VPS53: variants seen among roughly 807,000 people sequenced by gnomAD.
The protein encoded by VPS53 is VPS53 subunit of GARP complex.
In VPS53, 70 loss-of-function variants were observed where a neutral mutation model predicts 107.0. The observed-to-expected ratio is 0.65, with a 90% CI of 0.54 to 0.80. VPS53 has a LOEUF of 0.80. VPS53 is among the 30% of genes least tolerant of loss of function. VPS53 has a pLI of 0.00. For synonymous variants in VPS53, 409 were observed against 393.3 expected, an observed-to-expected ratio of 1.04 and a Z score of -0.47; for missense variants, 917 against 1,049.4, an observed-to-expected ratio of 0.87 and a Z score of 1.74.
chr17:664,858 A>C (rs1457033314), intron 4 of VPS53, among the ~76,000 whole-genome samples: 1 of 152,130 alleles, frequency 6.6e-6, no homozygotes, highest in East Asian at 1.9e-4. Flanking sequence ...AGGGAGAGGG[A>C]GAACCAAGGA....
chr17:663,038 TCTGCAA>T (rs1971538512), intron 4 of VPS53, among the ~76,000 whole-genome samples: 11 of 151,572 alleles, frequency 7.3e-5, no homozygotes, highest in Admixed American at 6.6e-4. Flanking sequence ...AGACTCGGTC[TCTGCAA>T]AAAAAAAAGT....
At chr17:605,229 TAG>T (rs927803317) in intron 11 of VPS53, among the ~76,000 whole-genome samples, 1 of 152,124 alleles carries the variant, frequency 6.6e-6, no homozygotes, top group African/African-American at 2.4e-5. Context: ...GAAGATGGAT[TAG>T]AGAGGCGGCA....
chr17:712,353 G>T (rs1567758815), intron 1 of VPS53, among the ~76,000 whole-genome samples: 2 of 150,622 alleles, frequency 1.3e-5, no homozygotes, highest in African/African-American at 2.4e-5. Context: ...CTAAATTTTT[G>T]TATTTTTAGG....
chr17:525,849 T>C (rs1455689800), intron 19 of VPS53, among the ~76,000 whole-genome samples: 1 of 151,426 alleles, frequency 6.6e-6, no homozygotes, highest in Admixed American at 6.6e-5. Context: ...ATACAAAAAT[T>C]AGCCAGATAT....
chr17:668,665 T>A (rs1971805363), intron 4 of VPS53, among the ~76,000 whole-genome samples: 2 of 152,224 alleles, frequency 1.3e-5, no homozygotes. Flanking sequence ...GCAGGTCATG[T>A]CATGTTATGG....
chr17:587,887 T>A (rs920214819), intron 12 of VPS53, among the ~76,000 whole-genome samples: 1 of 152,186 alleles, frequency 6.6e-6, no homozygotes. Flanking sequence ...AAGCCCTACA[T>A]AATTAATGTA....
chr17:519,906 A>G lies in VPS53; in HGVS notation c.2248T>C (p.Leu750=). 1.3e-6 allele frequency: 2 copies of G among 1,551,638 alleles called. No homozygotes were observed. The highest frequency in any genetic ancestry group is 1.7e-6 in the Non-Finnish European group (2 of 1,146,974). The change falls in exon 21 of 22, where the codon TTG becomes CTG. Residue 750 remains leucine, a synonymous_variant. Transcript: ENST00000437048. This position sits in a 1 kb window ranked among gnomAD's most constrained non-coding sequence, Gnocchi z 5.0. ...LKVVMAPHEP[L]VVFVDNYIKL... ...ATGTAGTTGTCAACAAACACCACCA[A>G]CGGTTCATGAGGGGCCATCACTACC... is the stretch of plus-strand genomic sequence containing the variant.
At position 558,139 on chromosome 17, in the gene VPS53, C is replaced by T. The variant is rs543675635; in HGVS notation, c.1704+2287G>A. 5.3e-5 allele frequency among the ~76,000 whole-genome samples: 8 copies of T among 152,298 alleles called. No individual in the cohort carries two copies. In the South Asian group the frequency reaches 1.0e-3, roughly 20 times the overall value. On this transcript the variant is annotated intron_variant, in intron 15 of 21. Coordinates refer to ENST00000437048, the MANE Select transcript of VPS53 (RefSeq NM_001128159.3). ...CTTCCCAATATGCTAGGATTACAGG[C>T]GTGAGCCACTGTACCCTGCCAGGAT...
At chr17:672,109 G>GACACACACACACACACACACACACAC (rs10630363) in intron 4 of VPS53, among the ~76,000 whole-genome samples, 2 of 108,824 alleles carry the variant, frequency 1.8e-5, no homozygotes, top group African/African-American at 3.4e-5. Context: ...TGATGAGGGT[G>GACACACACACACACACACACACACAC]ACACACACAC....
At chr17:528,099 G>A (rs1909256168) in intron 19 of VPS53, among the ~76,000 whole-genome samples, 1 of 152,112 alleles carries the variant, frequency 6.6e-6, no homozygotes, top group South Asian at 2.1e-4. Context: ...TAAAAATGGA[G>A]ATATAATTCA....
intron 2 of VPS53, among the ~76,000 whole-genome samples, 169 bp from the exon 3 acceptor site, chr17:699,549 C>T (rs1973118070): frequency 2.0e-5 from 3 of 152,166 alleles, no homozygotes; most frequent in East Asian, 1.9e-4. Flanking sequence ...TTGGAAGCTA[C>T]AGCCACATCT....
At chr17:627,447 T>A in intron 9 of VPS53, 131 bp from the exon 10 acceptor site, 1 of 1,204,554 alleles carries the variant, frequency 8.3e-7, no homozygotes, top group Non-Finnish European at 1.1e-6. Flanking sequence ...TTAAAGAATC[T>A]AGGCTACCTT....
At chr17:699,513 T>TTAA in intron 2 of VPS53, 133 bp from the exon 3 acceptor site, 2 of 457,108 alleles carry the variant, frequency 4.4e-6, no homozygotes, top group Admixed American at 4.7e-5. Flanking sequence ...AGTTTTGCTT[T>TTAA]AAAAAAAAAA....
rs1315115314 is a variant in VPS53, at chr17:516,480, C to G, written c.*2648G>C. 1.3e-5 allele frequency: 2 copies of G among 152,260 alleles called. No individual in the cohort carries two copies. The highest frequency in any genetic ancestry group is 4.8e-5 in the African/African-American group (2 of 41,420). The allele number at this position is 152,260 out of a possible 1,614,324, so 9.4% of individuals were successfully genotyped here. A position where few individuals can be genotyped will look rare whatever the true frequency, so the allele number is the denominator to read the frequency against. On this transcript the variant is annotated 3_prime_UTR_variant, in exon 22 of 22. Transcript: ENST00000437048. ...CTCCCGGGTTCAAGCGATTCTCCTG[C>G]CTCAGCCTCCCAAGTAGCTGGGAGG...
chr17:668,269 A>G (rs1046742134), intron 4 of VPS53, among the ~76,000 whole-genome samples: 3 of 152,144 alleles, frequency 2.0e-5, no homozygotes, highest in African/African-American at 7.2e-5. Context: ...GTGATAAATC[A>G]TATGGTCACC....
intron 11 of VPS53, among the ~76,000 whole-genome samples, chr17:606,381 C>T (rs1329328483): frequency 6.6e-6 from 1 of 152,152 alleles, no homozygotes; most frequent in Non-Finnish European, 1.5e-5. Context: ...AGTTCTCCTA[C>T]CTGCAATGTG....
At chr17:678,386 C>A (rs1324019901) in intron 4 of VPS53, among the ~76,000 whole-genome samples, 1 of 151,996 alleles carries the variant, frequency 6.6e-6, no homozygotes, top group African/African-American at 2.4e-5. Context: ...CAAGCCACTG[C>A]ACTCCAGACT....
Position 586,375 on chromosome 17 carries a change from A to G in VPS53, c.1219-11T>C. The G allele has an allele frequency of 2.5e-6, 4 of 1,612,516 alleles. No individual in the cohort carries two copies. Among genetic ancestry groups the G allele is most frequent in the East Asian group, 2.2e-5 (1 of 44,868 alleles). ...TTTAGGCTTCTTTGGCTGTAAAAAC[A>G]AAGAAAAATAAACCCCATACTTGAG... On this transcript the variant is annotated splice_polypyrimidine_tract_variant and intron_variant, in intron 12 of 21. Transcript: ENST00000437048.
intron 14 of VPS53, among the ~76,000 whole-genome samples, chr17:561,082 G>C (rs75086174): frequency 0.054 from 8,184 of 151,508 alleles, 324 homozygotes; most frequent in Non-Finnish European, 0.077. Context: ...ACTGGGACTC[G>C]TGTGTGCTGG....
Sources: gnomAD v4.1 joint callset for allele counts (sites outside exome capture counted in the v4.1 genomes callset) on GRCh38, gnomAD v4.1.1 for gene constraint, Gnocchi (gnomAD v3.1) non-coding constraint, MANE v1.5 for transcripts, NCBI Gene and HGNC (gene_info 2026-07-23, HGNC 2026-07-21) for gene names.